The following INPP4A variants were observed in gnomAD, a reference collection of about 807,000 sequenced individuals.
INPP4A encodes inositol polyphosphate-4-phosphatase type I A, also known as inositol polyphosphate-4-phosphatase, type I, 107kD.
INPP4A carries 33 observed loss-of-function variants against 119.8 expected under a neutral mutation model. The observed-to-expected ratio is 0.28, with a 90% CI of 0.21 to 0.37. INPP4A has a LOEUF of 0.37. Ranked by LOEUF, INPP4A falls within the 10% of genes least tolerant of loss-of-function variation. INPP4A has a pLI of 1.00. For missense variants in INPP4A, 956 were observed against 1,289.9 expected, an observed-to-expected ratio of 0.74 and a Z score of 3.97; for synonymous variants, 496 against 500.7, an observed-to-expected ratio of 0.99 and a Z score of 0.12.
At chr2:98,512,073 CAG>C (rs1685213010) in intron 1 of INPP4A, among the ~76,000 whole-genome samples, 1 of 152,174 alleles carries the variant, frequency 6.6e-6, no homozygotes, top group African/African-American at 2.4e-5. Flanking sequence ...GGGCCAGCCT[CAG>C]GGGAGGTTAG....
chr2:98,500,604 A>G (rs1429779669), intron 1 of INPP4A, among the ~76,000 whole-genome samples: 2 of 152,188 alleles, frequency 1.3e-5, no homozygotes, highest in African/African-American at 2.4e-5. Flanking sequence ...GGGAATTTGT[A>G]GTCTAGGAAC....
chr2:98,528,477 G>C (rs888536997), intron 4 of INPP4A, among the ~76,000 whole-genome samples: 4 of 152,014 alleles, frequency 2.6e-5, no homozygotes, highest in Admixed American at 6.5e-5. Context: ...GAGAAGGGGG[G>C]AGATAAAAAT....
At chr2:98,561,771 T>C (rs1695517593) in intron 17 of INPP4A, among the ~76,000 whole-genome samples, 1 of 152,222 alleles carries the variant, frequency 6.6e-6, no homozygotes, top group African/African-American at 2.4e-5. Context: ...CAAAGTAAAA[T>C]TGGCAACATT....
intron 1 of INPP4A, among the ~76,000 whole-genome samples, chr2:98,488,755 G>A (rs532357415): frequency 6.6e-6 from 1 of 152,320 alleles, no homozygotes; most frequent in South Asian, 2.1e-4. Flanking sequence ...GCTCCTTGGA[G>A]AGGGGAGTTG....
intron 1 of INPP4A, among the ~76,000 whole-genome samples, chr2:98,506,602 T>G (rs1684091166): frequency 6.6e-6 from 1 of 152,222 alleles, no homozygotes; most frequent in African/African-American, 2.4e-5. Context: ...GAAGGCACCT[T>G]GGCCTGAGAA....
rs3754875 is a variant in INPP4A, at chr2:98,586,284, G to A, written c.2787-1192G>A. Among the ~76,000 whole-genome samples the A allele has an allele frequency of 6.7e-3, 1,010 of 151,526 alleles. 16 individuals are homozygous for A. Among genetic ancestry groups the A allele is most frequent in the African/African-American group, 0.023 (932 of 41,324 alleles). On this transcript the variant is annotated intron_variant, in intron 24 of 24. Coordinates refer to ENST00000409851, the MANE Select transcript of INPP4A (RefSeq NM_001134225.2). ...TACCAAAAGTATTTTACATGTTCTTGATAATGAGACTGTCATTTTCACTTT... is the reference window on the plus strand; with the variant it reads ...TACCAAAAGTATTTTACATGTTCTTAATAATGAGACTGTCATTTTCACTTT...
At chr2:98,452,177 C>A (rs1299070549) in intron 1 of INPP4A, among the ~76,000 whole-genome samples, 14 of 152,212 alleles carry the variant, frequency 9.2e-5, no homozygotes, top group Non-Finnish European at 1.3e-4. Context: ...GTCTACCAGT[C>A]CTTCCCTCTG....
chr2:98,490,458 C>G (rs1241108678), intron 1 of INPP4A, among the ~76,000 whole-genome samples: 6 of 152,044 alleles, frequency 3.9e-5, no homozygotes, highest in African/African-American at 1.4e-4. Flanking sequence ...CCTCAGCGGT[C>G]TCCTCCATTG....
At chr2:98,563,399 A>C in intron 17 of INPP4A, 66 bp from the exon 18 acceptor site, 2 of 1,464,554 alleles carry the variant, frequency 1.4e-6, no homozygotes, top group Non-Finnish European at 1.9e-6. Context: ...GTGACTTGTT[A>C]AATTGCCAGA....
At chr2:98,509,827 C>A (rs1306201797) in intron 1 of INPP4A, among the ~76,000 whole-genome samples, 1 of 152,198 alleles carries the variant, frequency 6.6e-6, no homozygotes, top group Non-Finnish European at 1.5e-5. Context: ...ATCCCCTGAA[C>A]GTTCATGGTA....
intron 1 of INPP4A, among the ~76,000 whole-genome samples, chr2:98,491,534 G>A (rs528690066): frequency 2.0e-5 from 3 of 152,344 alleles, no homozygotes; most frequent in Non-Finnish European, 2.9e-5. Context: ...AGTGAGGAAG[G>A]TGAGCCCATC....
At chr2:98,454,382 C>G (rs1484424321) in intron 1 of INPP4A, among the ~76,000 whole-genome samples, 1 of 152,046 alleles carries the variant, frequency 6.6e-6, no homozygotes, top group Non-Finnish European at 1.5e-5. Flanking sequence ...TTTGGCATGT[C>G]TGTGTTTGTT....
intron 4 of INPP4A, among the ~76,000 whole-genome samples, chr2:98,523,850 G>T (rs1045073713): frequency 6.6e-6 from 1 of 152,064 alleles, no homozygotes; most frequent in African/African-American, 2.4e-5. Context: ...TTATCACTTT[G>T]GTATATATCC....
chr2:98,497,453 C>T (rs1408584355), intron 1 of INPP4A, among the ~76,000 whole-genome samples: 1 of 152,200 alleles, frequency 6.6e-6, no homozygotes, highest in African/African-American at 2.4e-5. Flanking sequence ...TGATGGCTTT[C>T]ACTGTACACA....
At chr2:98,550,202 C>T (rs1218842620) in intron 13 of INPP4A, among the ~76,000 whole-genome samples, 1 of 152,104 alleles carries the variant, frequency 6.6e-6, no homozygotes, top group Non-Finnish European at 1.5e-5. Context: ...CTTGCCGTCT[C>T]CCCCCTGCTC....
At chr2:98,579,469 T>G (rs1435398576) in intron 24 of INPP4A, among the ~76,000 whole-genome samples, 1 of 152,260 alleles carries the variant, frequency 6.6e-6, no homozygotes, top group Non-Finnish European at 1.5e-5. Context: ...CCTAGCCACA[T>G]TGCCTTAGGT....
At chr2:98,584,959 G>T (rs1162459329) in intron 24 of INPP4A, among the ~76,000 whole-genome samples, 2 of 152,224 alleles carry the variant, frequency 1.3e-5, no homozygotes, top group Non-Finnish European at 2.9e-5. Context: ...TTGACATTTA[G>T]TGATGGTTTT....
chr2:98,589,089 A>G lies in INPP4A; in HGVS notation c.*1481A>G, dbSNP rs375502698. 1.3e-3 allele frequency: 230 copies of G among 180,446 alleles called. No individual in the cohort carries two copies. The highest frequency in any genetic ancestry group is 5.1e-3 in the African/African-American group (218 of 42,542). 11.2% of individuals were successfully genotyped at this position (180,446 alleles called of 1,614,324 possible). On this transcript the variant is annotated 3_prime_UTR_variant, in exon 25 of 25. Coordinates refer to ENST00000409851, the MANE Select transcript of INPP4A (RefSeq NM_001134225.2). The stretch of plus-strand genomic sequence containing the variant: ...GACCCCCTCCTACTCAGAAGTCAGC[A>G]TGCAAGCAGCGCCTGCTGTCTCCCG...
chr2:98,479,613 A>G (rs1677991106), intron 1 of INPP4A, among the ~76,000 whole-genome samples: 1 of 152,156 alleles, frequency 6.6e-6, no homozygotes, highest in Non-Finnish European at 1.5e-5. Context: ...TTTCTGTGAC[A>G]CAGAAAGTGT....
Sources: gnomAD v4.1 joint callset for allele counts (sites outside exome capture counted in the v4.1 genomes callset) on GRCh38, gnomAD v4.1.1 for gene constraint, MANE v1.5 for transcripts, NCBI Gene and HGNC (gene_info 2026-07-23, HGNC 2026-07-21) for gene names.